The following F2 variants were observed in gnomAD, a reference collection of about 807,000 sequenced individuals.
F2 encodes coagulation factor II, thrombin.
A neutral mutation model predicts 81.9 loss-of-function variants in F2; 34 were observed. The ratio of observed to expected loss-of-function variants is 0.42; its 90% CI spans 0.32 to 0.55. F2 has a LOEUF of 0.55. Ranked by LOEUF, F2 falls within the 20% of genes least tolerant of loss-of-function variation. The pLI, the probability that F2 is intolerant of heterozygous loss-of-function variation, is 0.18. For synonymous variants in F2, 296 were observed against 326.4 expected, an observed-to-expected ratio of 0.91 and a Z score of 1.01; for missense variants, 630 against 833.4, an observed-to-expected ratio of 0.76 and a Z score of 3.00.
intron 12 of F2, among the ~76,000 whole-genome samples, chr11:46,737,287 G>A (rs2064949654): frequency 6.6e-6 from 1 of 151,680 alleles, no homozygotes; most frequent in Admixed American, 6.6e-5. Flanking sequence ...GGTTACAGGT[G>A]CACGCCACCA....
At chr11:46,727,683 C>T (rs1010123560) in intron 9 of F2, among the ~76,000 whole-genome samples, 2 of 152,056 alleles carry the variant, frequency 1.3e-5, no homozygotes, top group African/African-American at 4.8e-5. Flanking sequence ...GAGGCTGAGG[C>T]GGGAGGATCG....
At chr11:46,730,307 G>A (rs915776261) in intron 12 of F2, among the ~76,000 whole-genome samples, 5 of 151,910 alleles carry the variant, frequency 3.3e-5, no homozygotes, top group East Asian at 3.9e-4. Flanking sequence ...TTGATCGATC[G>A]ATCAATCAAT....
At position 46,738,003 on chromosome 11, in the gene F2, A is replaced by AT. The variant is rs547238970; in HGVS notation, c.1655-1034dup. 1.6e-3 allele frequency among the ~76,000 whole-genome samples: 234 copies of AT among 146,760 alleles called. 4 individuals carry two copies. The South Asian group carries it at 0.041, about 26-fold the overall frequency. ...AGGTACATGCCACCATGTCCGGCTAATTTTTTTTTTTCGAGACAGAGTCTT... is the reference window on the plus strand; with the variant it reads ...AGGTACATGCCACCATGTCCGGCTAATTTTTTTTTTTTCGAGACAGAGTCTT... On this transcript the variant is annotated intron_variant, in intron 12 of 13. Coordinates refer to ENST00000311907, the MANE Select transcript of F2 (RefSeq NM_000506.5).
chr11:46,722,086 C>G (rs1433699752), intron 4 of F2, among the ~76,000 whole-genome samples: 2 of 151,714 alleles, frequency 1.3e-5, no homozygotes, highest in African/African-American at 4.8e-5. Flanking sequence ...CTCAGGTGAT[C>G]CACCAGCCTC....
At chr11:46,730,929 A>AT (rs998634969) in intron 12 of F2, among the ~76,000 whole-genome samples, 2 of 150,568 alleles carry the variant, frequency 1.3e-5, no homozygotes. Flanking sequence ...AAACCCGGAA[A>AT]TTTTTTTTTG....
chr11:46,731,522 T>C (rs2064911688), intron 12 of F2, among the ~76,000 whole-genome samples: 1 of 151,158 alleles, frequency 6.6e-6, no homozygotes, highest in African/African-American at 2.4e-5. Flanking sequence ...TATTGTCTAA[T>C]CTATAGACCT....
rs1193599291 is a variant in F2, at chr11:46,726,163, C to T, written c.864C>T (p.Leu288=). The T allele has an allele frequency of 6.2e-7, 1 of 1,613,778 alleles. No homozygotes were observed. Among genetic ancestry groups the T allele is most frequent in the South Asian group, 1.1e-5 (1 of 91,088 alleles). ...CTGGCGACTTTGGGTACTGCGACCT[C>T]AACTATTGTGGTGAGCTGCCTGGGT... The part of the protein sequence containing the change: ...GKPGDFGYCD[L]NYCEEAVEEE... The change falls in exon 7 of 14, where the codon CTC becomes CTT. Residue 288 remains leucine (L), a synonymous_variant. Coordinates refer to ENST00000311907, the MANE Select transcript of F2 (RefSeq NM_000506.5). The surrounding 1 kb of genome is among the most constrained non-coding windows in gnomAD (Gnocchi z 5.9).
rs2064847461 is a variant in F2, at chr11:46,723,069, G to A, written c.317-111G>A. On this transcript the variant is annotated intron_variant, in intron 4 of 13. Transcript: ENST00000311907. The surrounding 1 kb of genome is among the most constrained non-coding windows in gnomAD (Gnocchi z 5.6). Reference sequence around the variant, plus strand: ...AGGAAGAGGGGCTGGGTGAATGCAGGTTCAGGATTGTGGACCTGCATGAGC... The same window carrying A: ...AGGAAGAGGGGCTGGGTGAATGCAGATTCAGGATTGTGGACCTGCATGAGC... 1.1e-6 allele frequency: 1 copy of A among 903,118 alleles called. No individual in the cohort carries two copies. The highest frequency in any genetic ancestry group is 1.9e-6 in the Non-Finnish European group (1 of 532,726). The allele number at this position is 903,118 out of a possible 1,614,324, so 55.9% of individuals were successfully genotyped here.
Position 46,720,518 on chromosome 11 carries a change from T to C in F2, c.241-5T>C, listed in dbSNP as rs1375616871. The C allele has an allele frequency of 1.9e-6, 3 of 1,613,940 alleles. No individual in the cohort carries two copies. Among genetic ancestry groups the C allele is most frequent in the Non-Finnish European group, 2.5e-6 (3 of 1,179,990 alleles). On this transcript the variant is annotated splice_polypyrimidine_tract_variant and splice_region_variant and intron_variant, in intron 2 of 13. Coordinates refer to ENST00000311907, the MANE Select transcript of F2 (RefSeq NM_000506.5). ...GTAGCCTCACTCCCAGCCCTTGTTT[T>C]TCAGGATGTGTTCTGGGCCAAGTAC...
chr11:46,732,510 GC>G (rs1223852749), intron 12 of F2, among the ~76,000 whole-genome samples: 1 of 151,742 alleles, frequency 6.6e-6, no homozygotes, highest in Non-Finnish European at 1.5e-5. Flanking sequence ...CAATTCTCCT[GC>G]CTCAGCCTCC....
rs1255637323 is a variant in F2, at chr11:46,726,721, G to T, written c.1014G>T (p.Leu338=). Residue 338 remains leucine, a synonymous_variant, in exon 9 of 14, where the codon CTG becomes CTT. Transcript: ENST00000311907. The surrounding 1 kb of genome is among the most constrained non-coding windows in gnomAD (Gnocchi z 5.9). ...TFGSGEADCG[L]RPLFEKKSLE... ...TGGCTTGCTCTGCAGACTGTGGGCT[G>T]CGACCTCTGTTCGAGAAGAAGTCGC... is the stretch of plus-strand genomic sequence containing the variant. 1.9e-6 allele frequency: 3 copies of T among 1,614,142 alleles called. No homozygotes were observed. The African/African-American group carries it at 4.0e-5, about 22-fold the overall frequency.
intron 12 of F2, among the ~76,000 whole-genome samples, chr11:46,738,454 A>T (rs770591875): frequency 6.6e-6 from 1 of 151,538 alleles, no homozygotes; most frequent in African/African-American, 2.4e-5. Context: ...TTTAATTTAA[A>T]TTTTTTTCTT....
intron 12 of F2, among the ~76,000 whole-genome samples, chr11:46,734,564 C>T (rs150692127): frequency 1.4e-3 from 209 of 152,276 alleles, no homozygotes; most frequent in African/African-American, 4.4e-3. Flanking sequence ...GTAATCCCAG[C>T]ACTCTGAGAG....
At chr11:46,727,195 T>C (rs1320286743) in intron 9 of F2, among the ~76,000 whole-genome samples, 1 of 152,044 alleles carries the variant, frequency 6.6e-6, no homozygotes, top group Non-Finnish European at 1.5e-5. Flanking sequence ...CTAATTTTTG[T>C]ATTTTAAGTA....
intron 4 of F2, among the ~76,000 whole-genome samples, chr11:46,722,387 C>T (rs1394840098): frequency 1.3e-5 from 2 of 151,928 alleles, no homozygotes; most frequent in South Asian, 2.1e-4. Flanking sequence ...GGGTTTGAGA[C>T]CATCCTGGCC....
rs2064825720 is a variant in F2 at position 46,719,923 on chromosome 11, C to T, written c.240+61C>T. On this transcript the variant is annotated intron_variant, in intron 2 of 13. Coordinates refer to ENST00000311907, the MANE Select transcript of F2 (RefSeq NM_000506.5). This position sits in a 1 kb window ranked among gnomAD's most constrained non-coding sequence, Gnocchi z 4.7. ...AGACCGGGCCCAACTCTAGACACTT[C>T]CACAGAGAAGCAAGCGAGGAACGCC... 1 of 1,536,084 alleles carries T rather than the reference C, an allele frequency of 6.5e-7. No individual in the cohort carries two copies. Among genetic ancestry groups the T allele is most frequent in the Non-Finnish European group, 8.8e-7 (1 of 1,142,656 alleles).
chr11:46,731,228 ATT>A (rs367631854), intron 12 of F2, among the ~76,000 whole-genome samples: 7 of 140,150 alleles, frequency 5.0e-5, no homozygotes, highest in Admixed American at 7.3e-5. Context: ...AAACCAGGAA[ATT>A]TTTTTTTTTT....
rs3136494 is a variant in F2, at chr11:46,736,369, C to T, written c.1655-2679C>T. ...CCTGGCTGGGCTCGAGCAAGTCTCC[C>T]GCCTTGGCCTCCCAAACTGCTGGGA... On this transcript the variant is annotated intron_variant, in intron 12 of 13. Transcript: ENST00000311907. Among the ~76,000 whole-genome samples, 327 of 152,294 alleles carry T rather than the reference C, an allele frequency of 2.1e-3. 1 individual carries two copies. Among genetic ancestry groups the T allele is most frequent in the African/African-American group, 6.9e-3 (285 of 41,566 alleles).
chr11:46,728,590 C>A lies in F2; in HGVS notation c.1299-74C>A. On this transcript the variant is annotated intron_variant, in intron 10 of 13. Coordinates refer to ENST00000311907, the MANE Select transcript of F2 (RefSeq NM_000506.5). The surrounding 1 kb of genome is among the most constrained non-coding windows in gnomAD (Gnocchi z 5.1). ...GCAGGACACACTGTCTCCCAGACCC[C>A]AAGGGCAGGCAGTTTCCTGCTCCTT... 6.4e-7 allele frequency: 1 copy of A among 1,568,078 alleles called. No individual in the cohort carries two copies. Among genetic ancestry groups the A allele is most frequent in the South Asian group, 1.1e-5 (1 of 89,158 alleles).
Sources: gnomAD v4.1 joint callset for allele counts (sites outside exome capture counted in the v4.1 genomes callset) on GRCh38, gnomAD v4.1.1 for gene constraint, Gnocchi (gnomAD v3.1) non-coding constraint, MANE v1.5 for transcripts, NCBI Gene and HGNC (gene_info 2026-07-23, HGNC 2026-07-21) for gene names.